The following FAM168A variants were observed in gnomAD, a reference collection of about 807,000 sequenced individuals.
FAM168A encodes protein FAM168A.
FAM168A carries 3 observed loss-of-function variants against 28.5 expected under a neutral mutation model. The observed-to-expected ratio is 0.11, with a 90% CI of 0.05 to 0.27. The LOEUF (loss-of-function observed/expected upper bound fraction) is 0.27. Among genes scored for constraint, FAM168A ranks in the 10% least tolerant of loss-of-function variants. The probability of loss-of-function intolerance (pLI) is 1.00; values close to 1 mark genes in which losing one functional copy is unlikely to be tolerated. For missense variants in FAM168A, 222 were observed against 311.5 expected (o/e 0.71, Z 2.16); for synonymous variants, 122 against 124.2 (o/e 0.98, Z 0.12).
chr11:73,496,889 A>C (rs1037163752), intron 1 of FAM168A, among the ~76,000 whole-genome samples: 1 of 148,922 alleles, frequency 6.7e-6, no homozygotes, highest in Admixed American at 6.7e-5. Context: ...ACACACACAC[A>C]CACACACACA....
intron 1 of FAM168A, among the ~76,000 whole-genome samples, chr11:73,521,382 C>T (rs1452557271): frequency 1.3e-5 from 2 of 152,114 alleles, no homozygotes; most frequent in Non-Finnish European, 2.9e-5. Flanking sequence ...ACCCTACCCA[C>T]CCTCTCATCA....
intron 1 of FAM168A, among the ~76,000 whole-genome samples, chr11:73,484,732 CGATATATA>C (rs561287223): frequency 0.012 from 1,772 of 143,802 alleles, 19 homozygotes; most frequent in Middle Eastern, 0.034. Context: ...AGATATATAT[CGATATATA>C]GATATATAGA....
intron 1 of FAM168A, among the ~76,000 whole-genome samples, chr11:73,472,312 G>T (rs1486796009): frequency 6.6e-6 from 1 of 152,200 alleles, no homozygotes; most frequent in Non-Finnish European, 1.5e-5. Flanking sequence ...TCTCTGAGAA[G>T]AAACTGTCCA....
intron 1 of FAM168A, among the ~76,000 whole-genome samples, chr11:73,552,398 C>T (rs7950002): frequency 0.31 from 47,015 of 152,108 alleles, 9,515 homozygotes; most frequent in African/African-American, 0.58. Flanking sequence ...CTATAATTTA[C>T]ACTTTACAGT....
intron 1 of FAM168A, among the ~76,000 whole-genome samples, chr11:73,495,558 G>A (rs1007270588): frequency 1.3e-5 from 2 of 152,056 alleles, no homozygotes; most frequent in Non-Finnish European, 2.9e-5. Flanking sequence ...AGATGGATAG[G>A]GGTACTATTT....
intron 1 of FAM168A, among the ~76,000 whole-genome samples, chr11:73,535,511 C>T (rs1035443484): frequency 1.3e-5 from 2 of 151,640 alleles, no homozygotes; most frequent in African/African-American, 4.9e-5. Flanking sequence ...TCTCCACCTC[C>T]CGGGTTCATG....
At chr11:73,569,806 A>AGAGT in intron 1 of FAM168A, among the ~76,000 whole-genome samples, 1 of 149,038 alleles carries the variant, frequency 6.7e-6, no homozygotes, top group South Asian at 2.1e-4. Context: ...CCTGGGCAAT[A>AGAGT]GAGTGAGACT....
intron 1 of FAM168A, among the ~76,000 whole-genome samples, chr11:73,556,965 G>T (rs1490599246): frequency 6.6e-6 from 1 of 151,836 alleles, no homozygotes; most frequent in Admixed American, 6.6e-5. Context: ...GGAGGCAGAG[G>T]TTGCAGTGAG....
chr11:73,410,164 T>C (rs533999977), intron 5 of FAM168A, among the ~76,000 whole-genome samples: 91 of 152,060 alleles, frequency 6.0e-4, no homozygotes, highest in Non-Finnish European at 1.2e-3. Context: ...TCCAGCACTT[T>C]GGAGGCCAAG....
intron 1 of FAM168A, among the ~76,000 whole-genome samples, chr11:73,565,902 A>C (rs1301086538): frequency 6.6e-6 from 1 of 152,206 alleles, no homozygotes; most frequent in African/African-American, 2.4e-5. Flanking sequence ...TTAATTATGG[A>C]GGAAAACTTC....
chr11:73,536,250 A>C (rs997009281), intron 1 of FAM168A, among the ~76,000 whole-genome samples: 1 of 152,218 alleles, frequency 6.6e-6, no homozygotes, highest in Non-Finnish European at 1.5e-5. Flanking sequence ...AAAAGACAGA[A>C]TTCAGATCCT....
chr11:73,430,645 C>T (rs1215963849), intron 3 of FAM168A, 45 bp downstream of exon 3: 2 of 1,554,014 alleles, frequency 1.3e-6, no homozygotes, highest in Middle Eastern at 1.9e-4. Flanking sequence ...AAATAGAGTC[C>T]CCCTTCCCAC....
At chr11:73,568,159 T>TA (rs1365668828) in intron 1 of FAM168A, among the ~76,000 whole-genome samples, 1 of 152,076 alleles carries the variant, frequency 6.6e-6, no homozygotes, top group African/African-American at 2.4e-5. Context: ...CTAACAGACA[T>TA]AAAATGAGAA....
chr11:73,592,670 G>A (rs992751987), intron 1 of FAM168A, among the ~76,000 whole-genome samples: 1 of 152,092 alleles, frequency 6.6e-6, no homozygotes, highest in South Asian at 2.1e-4. Flanking sequence ...AGAAGAACGG[G>A]GAGGGAGATG....
intron 1 of FAM168A, chr11:73,510,919 A>C (rs1855211027): frequency 3.9e-6 from 1 of 256,104 alleles, no homozygotes; most frequent in East Asian, 6.3e-5. Flanking sequence ...GGGAATGGAA[A>C]AGTTGAAGCC....
At chr11:73,419,111 C>T (rs1866747951) in intron 4 of FAM168A, among the ~76,000 whole-genome samples, 1 of 152,146 alleles carries the variant, frequency 6.6e-6, no homozygotes, top group Non-Finnish European at 1.5e-5. Flanking sequence ...CGCCCGGCTG[C>T]CACTCAGTAA....
chr11:73,497,684 T>C (rs1156743204), intron 1 of FAM168A, among the ~76,000 whole-genome samples: 13 of 151,910 alleles, frequency 8.6e-5, no homozygotes, highest in Admixed American at 7.2e-4. Context: ...TTCTCACTCA[T>C]AGGTGGGAAC....
At chr11:73,594,925 T>C (rs923115141) in intron 1 of FAM168A, among the ~76,000 whole-genome samples, 3 of 152,220 alleles carry the variant, frequency 2.0e-5, no homozygotes. Context: ...ACTCATGGGC[T>C]ATTCGTTCCA....
intron 1 of FAM168A, among the ~76,000 whole-genome samples, chr11:73,531,539 A>G (rs1287101753): frequency 6.6e-6 from 1 of 152,150 alleles, no homozygotes; most frequent in African/African-American, 2.4e-5. Context: ...GCACTTGCAC[A>G]TGAGTAAGAA....
Sources: allele counts gnomAD v4.1 joint callset (sites outside exome capture counted in the v4.1 genomes callset), GRCh38; gene constraint gnomAD v4.1.1; transcripts MANE v1.5; gene names NCBI Gene and HGNC (gene_info 2026-07-23, HGNC 2026-07-21).